ZNF444: variants seen among roughly 807,000 people sequenced by gnomAD.
The protein encoded by ZNF444 is endothelial zinc finger protein 2.
In ZNF444, 8 loss-of-function variants were observed where a neutral mutation model predicts 14.4. The ratio of observed to expected loss-of-function variants is 0.56; its 90% confidence interval spans 0.33 to 1.00. The LOEUF (loss-of-function observed/expected upper bound fraction) is 1.00. Ranked by LOEUF, ZNF444 falls within the 50% of genes least tolerant of loss-of-function variation. The pLI, the probability that ZNF444 is intolerant of heterozygous loss-of-function variation, is 0.03. For synonymous variants in ZNF444, 258 were observed against 235.9 expected (o/e 1.09, Z -0.86); for missense variants, 510 against 504.8 (o/e 1.01, Z -0.10).
chr19:56,152,538 GAAT>G (rs1027498137), intron 3 of ZNF444, among the ~76,000 whole-genome samples: 9 of 150,010 alleles, frequency 6.0e-5, no homozygotes, highest in Non-Finnish European at 1.2e-4. Context: ...GTTTCTGTGT[GAAT>G]ACACGTTTAC....
intron 3 of ZNF444, among the ~76,000 whole-genome samples, chr19:56,150,736 C>T (rs144895745): frequency 0.023 from 3,406 of 151,256 alleles, 37 homozygotes; most frequent in Non-Finnish European, 0.034. Flanking sequence ...CAGCTGACAT[C>T]TGGGGGCGCT....
chr19:56,149,829 G>A (rs780200464), intron 3 of ZNF444: 1 of 152,326 alleles, frequency 6.6e-6, no homozygotes, highest in African/African-American at 2.4e-5. Context: ...CTTTTTCATT[G>A]GTGCATAGTA....
chr19:56,151,756 G>A (rs768852458), intron 3 of ZNF444: 2 of 446,556 alleles, frequency 4.5e-6, no homozygotes, highest in Non-Finnish European at 8.9e-6. Context: ...ACATCTGGGG[G>A]CATCTAGTGG....
At chr19:56,143,712 T>C (rs1555780566) in intron 1 of ZNF444, 1 of 151,928 alleles carries the variant, frequency 6.6e-6, no homozygotes, top group Non-Finnish European at 1.5e-5. Flanking sequence ...GAATATGGAG[T>C]CTCTCGCCCA....
chr19:56,159,727 C>T lies in ZNF444; in HGVS notation c.510C>T (p.Pro170=), dbSNP rs1283307318. The T allele has an allele frequency of 3.8e-6, 6 of 1,572,866 alleles. No homozygotes were observed. Among genetic ancestry groups the T allele is most frequent in the Middle Eastern group, 1.7e-4 (1 of 6,008 alleles). The change falls in exon 5 of 5, where the codon CCC becomes CCT. Residue 170 remains proline (P), a synonymous_variant. Coordinates refer to ENST00000337080, the MANE Select transcript of ZNF444 (RefSeq NM_018337.4). ...PSSPPLAPGL[P]AFLAAPGTTS... ...GCCCCCCGCTGGCGCCTGGCCTGCC[C>T]GCCTTCCTAGCGGCCCCGGGCACCA...
chr19:56,148,401 G>A lies in ZNF444; in HGVS notation c.297+1193G>A, dbSNP rs577448594. ...CGCGTGTTCCTCATAAGTGCGTACC[G>A]AGTGCCTGCTGGGTGCTGAGATGTA... On this transcript the variant is annotated intron_variant, in intron 3 of 4. Coordinates refer to ENST00000337080, the MANE Select transcript of ZNF444 (RefSeq NM_018337.4). Among the ~76,000 whole-genome samples the A allele has an allele frequency of 6.6e-4, 101 of 152,188 alleles. 1 individual carries two copies. The Middle Eastern group carries it at 0.014, about 21-fold the overall frequency.
At chr19:56,141,896 A>G (rs1387339891) in intron 1 of ZNF444, 2 of 152,134 alleles carry the variant, frequency 1.3e-5, no homozygotes, top group Non-Finnish European at 2.9e-5. Flanking sequence ...CAACTTTTAC[A>G]GAGTTGTGAG....
At chr19:56,158,436 G>T in intron 3 of ZNF444, 58 bp from the exon 4 acceptor site, 1 of 1,476,384 alleles carries the variant, frequency 6.8e-7, no homozygotes, top group South Asian at 1.3e-5. Context: ...GGTTGGGAGA[G>T]GGAGAAATAG....
intron 3 of ZNF444, chr19:56,155,531 G>A (rs887017501): frequency 6.6e-6 from 1 of 152,392 alleles, no homozygotes; most frequent in African/African-American, 2.4e-5. Flanking sequence ...GGGGCATAGA[G>A]GTGACCCTCC....
intron 3 of ZNF444, chr19:56,150,091 G>C (rs182665672): frequency 1.8e-5 from 3 of 165,460 alleles, no homozygotes; most frequent in Admixed American, 1.7e-4. Flanking sequence ...CGTGGAATCT[G>C]TGAGCCTCGG....
At chr19:56,133,640 G>A (rs1237645710) in intron 1 of ZNF444, among the ~76,000 whole-genome samples, 1 of 150,550 alleles carries the variant, frequency 6.6e-6, no homozygotes, top group African/African-American at 2.5e-5. Context: ...GTGAAACCCC[G>A]TCTCTACTAA....
chr19:56,157,359 C>T (rs1352674958), intron 3 of ZNF444: 1 of 152,030 alleles, frequency 6.6e-6, no homozygotes, highest in African/African-American at 2.4e-5. Context: ...ATTTAGGAAA[C>T]GTTTTCTTGT....
At chr19:56,138,507 C>A (rs1323120703), upstream of ZNF444, among the ~76,000 whole-genome samples, 1 of 152,080 alleles carries the variant, frequency 6.6e-6, no homozygotes, top group Non-Finnish European at 1.5e-5. Flanking sequence ...GTTGTGTGCA[C>A]CTGTAGTCTC....
At chr19:56,138,802 T>TTTTTTG, upstream of ZNF444, among the ~76,000 whole-genome samples, 1 of 140,906 alleles carries the variant, frequency 7.1e-6, no homozygotes, top group Non-Finnish European at 1.6e-5. Flanking sequence ...CTTTTTTTTT[T>TTTTTTG]TTTTTTTTTT....
At chr19:56,158,693 AG>A in intron 4 of ZNF444, 91 bp downstream of exon 4, 1 of 1,200,010 alleles carries the variant, frequency 8.3e-7, no homozygotes, top group East Asian at 2.8e-5. Context: ...ACCCAGGACA[AG>A]GACAGACTTG....
chr19:56,135,063 C>G (rs1161494850), intron 1 of ZNF444, among the ~76,000 whole-genome samples: 1 of 152,060 alleles, frequency 6.6e-6, no homozygotes, highest in Non-Finnish European at 1.5e-5. Flanking sequence ...AACCCCGTCT[C>G]TACTAAAAAT....
In ZNF444 at chr19:56,144,968, A is replaced by G. The variant is rs2031078589; in HGVS notation, c.-196-1279A>G. On this transcript the variant is annotated intron_variant, in intron 1 of 4. Coordinates refer to ENST00000337080, the MANE Select transcript of ZNF444 (RefSeq NM_018337.4). The surrounding 1 kb of genome is among the most constrained non-coding windows in gnomAD (Gnocchi z 4.0). Reference sequence around the variant, plus strand: ...TCCTGTAAAGAGCCAGCGAGTGACTATCTTTGGCTCTGTGGACAGCCTTAC... The same window carrying G: ...TCCTGTAAAGAGCCAGCGAGTGACTGTCTTTGGCTCTGTGGACAGCCTTAC... 6.6e-6 allele frequency among the ~76,000 whole-genome samples: 1 copy of G among 152,332 alleles called. No individual in the cohort carries two copies. The highest frequency in any genetic ancestry group is 6.5e-5 in the Admixed American group (1 of 15,308).
At chr19:56,137,920 G>C (rs2030648617), upstream of ZNF444, among the ~76,000 whole-genome samples, 1 of 151,852 alleles carries the variant, frequency 6.6e-6, no homozygotes, top group South Asian at 2.1e-4. Context: ...TCAGGAGTTT[G>C]TGACCAGCCT....
intron 1 of ZNF444, among the ~76,000 whole-genome samples, chr19:56,132,931 C>CTTTTTTTTT (rs1488948457): frequency 2.6e-5 from 1 of 38,116 alleles, no homozygotes; most frequent in Non-Finnish European, 7.5e-5. Context: ...TTCTTTCTTT[C>CTTTTTTTTT]TTTCTTTTTT....
Sources: gnomAD v4.1 joint callset for allele counts (sites outside exome capture counted in the v4.1 genomes callset) on GRCh38, gnomAD v4.1.1 for gene constraint, Gnocchi (gnomAD v3.1) non-coding constraint, MANE v1.5 for transcripts, NCBI Gene and HGNC (gene_info 2026-07-23, HGNC 2026-07-21) for gene names.